Variants in NAALADL2 observed in about 807,000 individuals in gnomAD.
The protein encoded by NAALADL2 is N-acetylated alpha-linked acidic dipeptidase like 2.
NAALADL2 carries 76 observed loss-of-function variants against 87.2 expected under a neutral mutation model. The observed-to-expected ratio is 0.87, with a 90% confidence interval of 0.72 to 1.05. The LOEUF (loss-of-function observed/expected upper bound fraction) is 1.05, where lower values mean the gene tolerates loss of function less well. NAALADL2 is among the 50% of genes least tolerant of loss of function. The probability of loss-of-function intolerance (pLI) is 0.00; values close to 1 mark genes in which losing one functional copy is unlikely to be tolerated. For missense variants in NAALADL2, 1,089 were observed against 945.8 expected (o/e 1.15, Z -1.99); for synonymous variants, 354 against 331.0 (o/e 1.07, Z -0.75).
At chr3:175,371,538 A>T (rs1766501149) in intron 5 of NAALADL2, among the ~76,000 whole-genome samples, 2 of 152,130 alleles carry the variant, frequency 1.3e-5, no homozygotes, top group Non-Finnish European at 2.9e-5. Flanking sequence ...TTTGAGAATG[A>T]TATGAGCTGG....
At chr3:175,159,456 T>A (rs1003393550) in intron 2 of NAALADL2, among the ~76,000 whole-genome samples, 6 of 152,188 alleles carry the variant, frequency 3.9e-5, no homozygotes, top group African/African-American at 1.4e-4. Flanking sequence ...GAGTTTTGTT[T>A]TGCATACACA....
At chr3:174,857,021 A>G (rs1579227883), upstream of NAALADL2, among the ~76,000 whole-genome samples, 1 of 152,144 alleles carries the variant, frequency 6.6e-6, no homozygotes, top group African/African-American at 2.4e-5. Context: ...AAGGGGGCCT[A>G]CTGTACCTAT....
intron 4 of NAALADL2, among the ~76,000 whole-genome samples, chr3:175,290,792 A>G (rs1282715765): frequency 6.6e-6 from 1 of 152,108 alleles, no homozygotes; most frequent in Non-Finnish European, 1.5e-5. Context: ...ACCACAGGAG[A>G]CAATGTTATA....
intron 1 of NAALADL2, among the ~76,000 whole-genome samples, chr3:174,988,031 C>T (rs973238120): frequency 2.0e-5 from 3 of 151,768 alleles, no homozygotes; most frequent in African/African-American, 7.3e-5. Context: ...TAAGAGTTAA[C>T]ATGTGATGAA....
chr3:175,116,806 C>T (rs1184824461), intron 2 of NAALADL2, among the ~76,000 whole-genome samples: 1 of 152,084 alleles, frequency 6.6e-6, no homozygotes, highest in Non-Finnish European at 1.5e-5. Context: ...GTTGCCAAGA[C>T]AACCCTAAGC....
chr3:174,902,346 T>C (rs1732416210), intron 1 of NAALADL2, among the ~76,000 whole-genome samples: 1 of 152,132 alleles, frequency 6.6e-6, no homozygotes. Context: ...AGAAATAATG[T>C]ATGTAAAGTA....
At chr3:174,590,291 A>G (rs1349865510) in intron 2 of NAALADL2, among the ~76,000 whole-genome samples, 4 of 152,130 alleles carry the variant, frequency 2.6e-5, no homozygotes, top group African/African-American at 7.2e-5. Context: ...TATTTGAACC[A>G]TATAGAAGTA....
rs146855193 is a variant in NAALADL2 at position 174,788,044 on chromosome 3, G to A, written c.-9+50298G>A. ...AGTTAGATGGATAGTTGAAAGGCAC[G>A]TATGGATAAATATCCTTGATGTTCT... is the stretch of plus-strand genomic sequence containing the variant. On this transcript the variant is annotated intron_variant, in intron 3 of 3. Coordinates refer to the NAALADL2 transcript ENST00000434257. 2.5e-3 allele frequency among the ~76,000 whole-genome samples: 377 copies of A among 152,218 alleles called. 2 individuals are homozygous for A. Among genetic ancestry groups the A allele is most frequent in the African/African-American group, 8.4e-3 (351 of 41,560 alleles).
intron 11 of NAALADL2, among the ~76,000 whole-genome samples, chr3:175,628,426 T>C (rs1727296892): frequency 6.6e-6 from 1 of 151,492 alleles, no homozygotes. Flanking sequence ...TAGCAGTGAG[T>C]TAATTACATA....
intron 2 of NAALADL2, among the ~76,000 whole-genome samples, chr3:174,725,992 CTG>C (rs2108966232): frequency 6.6e-6 from 1 of 152,236 alleles, no homozygotes; most frequent in South Asian, 2.1e-4. Flanking sequence ...TTAAATATCT[CTG>C]TTTCTATTTC....
At chr3:174,682,229 C>T (rs1727612102) in intron 2 of NAALADL2, among the ~76,000 whole-genome samples, 1 of 152,146 alleles carries the variant, frequency 6.6e-6, no homozygotes, top group Non-Finnish European at 1.5e-5. Context: ...GGTGCAAGCT[C>T]AGCTGCAGTA....
intron 2 of NAALADL2, among the ~76,000 whole-genome samples, chr3:174,586,123 C>A (rs1005131563): frequency 3.4e-4 from 52 of 152,054 alleles, no homozygotes; most frequent in African/African-American, 1.3e-3. Context: ...TCACTTCAGG[C>A]AACTTATTAC....
At chr3:175,784,586 TTC>T (rs1304931681) in intron 13 of NAALADL2, among the ~76,000 whole-genome samples, 3 of 144,556 alleles carry the variant, frequency 2.1e-5, no homozygotes, top group Non-Finnish European at 4.5e-5. Context: ...TATTTGATTC[TTC>T]TCTCTTTTTT....
intron 1 of NAALADL2, among the ~76,000 whole-genome samples, chr3:175,042,862 C>A (rs1197266155): frequency 6.6e-6 from 1 of 152,036 alleles, no homozygotes; most frequent in Non-Finnish European, 1.5e-5. Context: ...GGGGGTGAAT[C>A]CTTCATAAAT....
intron 1 of NAALADL2, among the ~76,000 whole-genome samples, chr3:174,959,558 A>T (rs1741681608): frequency 6.6e-6 from 1 of 152,030 alleles, no homozygotes. Context: ...AAGATTCTAA[A>T]GTATGCACAG....
chr3:175,561,843 C>T (rs1309004966), intron 9 of NAALADL2, among the ~76,000 whole-genome samples: 1 of 152,196 alleles, frequency 6.6e-6, no homozygotes, highest in Admixed American at 6.5e-5. Flanking sequence ...TAAGTGAAAT[C>T]ACACAGGGTA....
At chr3:175,341,940 G>A (rs542648949) in intron 5 of NAALADL2, among the ~76,000 whole-genome samples, 1 of 151,996 alleles carries the variant, frequency 6.6e-6, no homozygotes, top group Non-Finnish European at 1.5e-5. Context: ...TTTTCCCATT[G>A]ACTCTCTTGG....
intron 11 of NAALADL2, among the ~76,000 whole-genome samples, chr3:175,681,274 T>C (rs62284549): frequency 0.015 from 2,272 of 152,280 alleles, 19 homozygotes; most frequent in Middle Eastern, 0.078. Flanking sequence ...AAATACCAAA[T>C]ATTTACAAAA....
chr3:174,552,422 A>T (rs142983523), intron 2 of NAALADL2, among the ~76,000 whole-genome samples: 196 of 152,302 alleles, frequency 1.3e-3, no homozygotes, highest in Non-Finnish European at 1.7e-3. Context: ...AATGACAAAC[A>T]TATCTATTTG....
Sources: gnomAD v4.1 joint callset for allele counts (sites outside exome capture counted in the v4.1 genomes callset) on GRCh38, gnomAD v4.1.1 for gene constraint, MANE v1.5 for transcripts, NCBI Gene and HGNC (gene_info 2026-07-23, HGNC 2026-07-21) for gene names.